TRMT61B: variants seen among roughly 807,000 people sequenced by gnomAD.
The protein encoded by TRMT61B is tRNA (adenine(58)-N(1))-methyltransferase, mitochondrial.
In TRMT61B, 56 loss-of-function variants were observed where a neutral mutation model predicts 52.0. The ratio of observed to expected loss-of-function variants is 1.08; its 90% CI spans 0.87 to 1.35. The LOEUF (loss-of-function observed/expected upper bound fraction) is 1.35. Among genes scored for constraint, TRMT61B ranks in the 40% most tolerant of loss-of-function variants. The pLI is 0.00. For missense variants in TRMT61B, 650 were observed against 577.9 expected (o/e 1.12, Z -1.28); for synonymous variants, 206 against 220.0 (o/e 0.94, Z 0.56).
chr2:28,861,718 G>T (rs1372683939), intron 2 of TRMT61B, among the ~76,000 whole-genome samples: 1 of 152,122 alleles, frequency 6.6e-6, no homozygotes, highest in African/African-American at 2.4e-5. Flanking sequence ...CTAGTCATAT[G>T]CTAATATAAA....
At position 28,870,281 on chromosome 2, in the gene TRMT61B, G is replaced by C; in HGVS notation, c.-4C>G. The C allele has an allele frequency of 6.5e-7, 1 of 1,544,680 alleles. No homozygotes were observed. Among genetic ancestry groups the C allele is most frequent in the Non-Finnish European group, 8.7e-7 (1 of 1,149,548 alleles). On this transcript the variant is annotated 5_prime_UTR_variant, in exon 1 of 7. Transcript: ENST00000306108. Reference sequence around the variant, plus strand: ...CGCGGCACCATGCCATTAGCATAGTGTTTCGCGAAGGCGCCGTCGCAGACG... The same window carrying C: ...CGCGGCACCATGCCATTAGCATAGTCTTTCGCGAAGGCGCCGTCGCAGACG...
At chr2:28,865,501 C>T (rs978693745) in intron 1 of TRMT61B, among the ~76,000 whole-genome samples, 11 of 152,158 alleles carry the variant, frequency 7.2e-5, no homozygotes, top group African/African-American at 2.6e-4. Flanking sequence ...CAGTATGAGG[C>T]ATTAGAACTC....
chr2:28,861,184 AT>A lies in TRMT61B; in HGVS notation c.926del (p.Asn309MetfsTer16). ...KLSHVEEWPD[N>X]VDFIHKDISG... The stretch of plus-strand genomic sequence containing the variant: ...AAATGTCCTTATGAATAAAATCCAC[AT>A]TGTCTGGCCACTCTTCTACATGACT... On this transcript the variant is annotated frameshift_variant, in exon 3 of 7. Transcript: ENST00000306108. LOFTEE classifies it high-confidence loss of function. 1 of 1,612,828 alleles carries A rather than the reference AT, an allele frequency of 6.2e-7. No individual in the cohort carries two copies. Among genetic ancestry groups the A allele is most frequent in the South Asian group, 1.1e-5 (1 of 90,632 alleles).
chr2:28,858,164 C>T (rs1244526799), intron 3 of TRMT61B, among the ~76,000 whole-genome samples: 1 of 151,848 alleles, frequency 6.6e-6, no homozygotes, highest in Non-Finnish European at 1.5e-5. Context: ...CCTCAGCCTC[C>T]CCAGTAGCTG....
At chr2:28,868,324 T>C (rs1057267611) in intron 1 of TRMT61B, among the ~76,000 whole-genome samples, 1 of 152,216 alleles carries the variant, frequency 6.6e-6, no homozygotes, top group African/African-American at 2.4e-5. Flanking sequence ...CTTCCTTATT[T>C]AGGTTTCCTA....
At position 28,852,485 on chromosome 2, in the gene TRMT61B, CA is replaced by C. The variant is rs1382748611; in HGVS notation, c.1007del (p.Met336SerfsTer2). On this transcript the variant is annotated frameshift_variant, in exon 4 of 7. Transcript: ENST00000306108. LOFTEE classifies it high-confidence loss of function. ...SLTFDAVALDMLNPHVTLPVF... is the reference protein window; with the variant it reads ...SLTFDAVALDXLNPHVTLPVF... Reference sequence around the variant, plus strand: ...CAGGCAAAGTAACATGAGGATTTAACATATCCAAAGCTACCTGTGTGGGGGA... The same window carrying C: ...CAGGCAAAGTAACATGAGGATTTAACTATCCAAAGCTACCTGTGTGGGGGA... The C allele has an allele frequency of 1.2e-6, 2 of 1,610,228 alleles. No homozygotes were observed. The highest frequency in any genetic ancestry group is 4.5e-5 in the East Asian group (2 of 44,850).
Position 28,849,996 on chromosome 2 carries a change from G to A in TRMT61B, c.*203C>T, listed in dbSNP as rs1669003237. 1.4e-6 allele frequency: 2 copies of A among 1,383,856 alleles called. No individual in the cohort carries two copies. The highest frequency in any genetic ancestry group is 2.0e-6 in the Non-Finnish European group (2 of 992,568). The allele number at this position is 1,383,856 out of a possible 1,614,324, so 85.7% of individuals were successfully genotyped here. ...TTAACTACAAAATGTCAAACTAACT[G>A]CAAGACAAGTGTCAAAATGGGATGT... On this transcript the variant is annotated 3_prime_UTR_variant, in exon 7 of 7. Transcript: ENST00000306108.
rs528399978 is a variant in TRMT61B, at chr2:28,850,463, C to A, written c.1313-58G>T. 1.6e-5 allele frequency: 19 copies of A among 1,179,502 alleles called. No individual in the cohort carries two copies. In the East Asian group the frequency reaches 4.3e-4, roughly 27 times the overall value. The allele number at this position is 1,179,502 out of a possible 1,614,324, so 73.1% of individuals were successfully genotyped here. ...CATAAAATATTTTCTATTTTTTTCA[C>A]AAAACTGTTAAAATATGAGTTACTC... On this transcript the variant is annotated intron_variant, in intron 5 of 6. Transcript: ENST00000306108.
At position 28,850,044 on chromosome 2, in the gene TRMT61B, A is replaced by G; in HGVS notation, c.*155T>C. ...TGTTTAAGCAGTTTTGCTATGTTAT[A>G]CATCTTTTAGTTGTTATTTTCAAAA... On this transcript the variant is annotated 3_prime_UTR_variant, in exon 7 of 7. Transcript: ENST00000306108. The G allele has an allele frequency of 1.7e-6, 2 of 1,179,334 alleles. No homozygotes were observed. The highest frequency in any genetic ancestry group is 2.5e-6 in the Non-Finnish European group (2 of 815,928). 73.1% of individuals were successfully genotyped at this position (1,179,334 alleles called of 1,614,324 possible).
chr2:28,863,722 G>A (rs550938299), intron 2 of TRMT61B, among the ~76,000 whole-genome samples: 1 of 152,166 alleles, frequency 6.6e-6, no homozygotes, highest in Non-Finnish European at 1.5e-5. Context: ...ATTGATTGAG[G>A]AGCCCAGAAT....
At chr2:28,853,180 C>CTT (rs772932797) in intron 3 of TRMT61B, among the ~76,000 whole-genome samples, 1 of 143,684 alleles carries the variant, frequency 7.0e-6, no homozygotes, top group African/African-American at 2.5e-5. Flanking sequence ...TGTGAATTTC[C>CTT]TTTTTTTTTT....
intron 2 of TRMT61B, among the ~76,000 whole-genome samples, chr2:28,863,637 C>T (rs937742256): frequency 1.3e-5 from 2 of 152,044 alleles, no homozygotes; most frequent in Non-Finnish European, 2.9e-5. Flanking sequence ...CAAATGAAAC[C>T]GTGCAGTTAG....
At chr2:28,855,252 C>T (rs1022828956) in intron 3 of TRMT61B, among the ~76,000 whole-genome samples, 1 of 152,084 alleles carries the variant, frequency 6.6e-6, no homozygotes, top group African/African-American at 2.4e-5. Flanking sequence ...AATTGAGAAG[C>T]CACTGAAGAA....
At position 28,853,932 on chromosome 2, in the gene TRMT61B, A is replaced by T. The variant is rs142471756; in HGVS notation, c.994-1433T>A. On this transcript the variant is annotated intron_variant, in intron 3 of 6. Coordinates refer to ENST00000306108, the MANE Select transcript of TRMT61B (RefSeq NM_017910.4). ...AGAAGATGCCAGTAAGTACAAAGAT[A>T]AGTGAAAATTTTTCAAATAAAAAAT... Among the ~76,000 whole-genome samples the T allele has an allele frequency of 1.1e-3, 161 of 152,362 alleles. 1 individual carries two copies. The highest frequency in any genetic ancestry group is 5.4e-3 in the South Asian group (26 of 4,826).
Position 28,852,614 on chromosome 2 carries a change from T to G in TRMT61B, c.994-115A>C, listed in dbSNP as rs151071198. ...GACAGCAATCAAAGTATTTCATTTT[T>G]TAGAAGGTAGTATTATTAACTATCA... On this transcript the variant is annotated intron_variant, in intron 3 of 6. Coordinates refer to ENST00000306108, the MANE Select transcript of TRMT61B (RefSeq NM_017910.4). 574 of 672,772 alleles carry G rather than the reference T, an allele frequency of 8.5e-4. 3 individuals carry two copies. In the African/African-American group the frequency reaches 9.1e-3, roughly 11 times the overall value. 41.7% of individuals were successfully genotyped at this position (672,772 alleles called of 1,614,324 possible).
rs766284300 is a variant in TRMT61B, at chr2:28,861,250, A to G, written c.861T>C (p.Ala287=). 63 of 1,613,190 alleles carry G rather than the reference A, an allele frequency of 3.9e-5. No homozygotes were observed. The highest frequency in any genetic ancestry group is 5.2e-5 in the Non-Finnish European group (61 of 1,179,758). Residue 287 remains alanine (A), a synonymous_variant, in exon 3 of 7, where the codon GCT becomes GCC. Coordinates refer to ENST00000306108, the MANE Select transcript of TRMT61B (RefSeq NM_017910.4). The part of the protein sequence containing the change: ...FEVRKDHHDL[A]KKNYKHWRDS... ...CACGCCAGTGTTTGTAATTCTTCTT[A>G]GCCAGATCATGGTGGTCTTTTCGTA...
Position 28,852,504 on chromosome 2 carries a change from G to A in TRMT61B, c.994-5C>T. On this transcript the variant is annotated splice_polypyrimidine_tract_variant and splice_region_variant and intron_variant, in intron 3 of 6. Coordinates refer to ENST00000306108, the MANE Select transcript of TRMT61B (RefSeq NM_017910.4). ...ATTTAACATATCCAAAGCTACCTGTGTGGGGGAAAAAGAGAACTGGATCAG... is the reference window on the plus strand; with the variant it reads ...ATTTAACATATCCAAAGCTACCTGTATGGGGGAAAAAGAGAACTGGATCAG... 2 of 1,588,544 alleles carry A rather than the reference G, an allele frequency of 1.3e-6. No homozygotes were observed. Among genetic ancestry groups the A allele is most frequent in the East Asian group, 4.5e-5 (2 of 44,746 alleles).
At chr2:28,856,978 G>C (rs1326633663) in intron 3 of TRMT61B, among the ~76,000 whole-genome samples, 2 of 151,776 alleles carry the variant, frequency 1.3e-5, no homozygotes, top group Non-Finnish European at 2.9e-5. Flanking sequence ...CTGTCACCTA[G>C]GCTAAAGTGC....
At chr2:28,867,955 G>A (rs1402368920) in intron 1 of TRMT61B, among the ~76,000 whole-genome samples, 1 of 152,046 alleles carries the variant, frequency 6.6e-6, no homozygotes, top group Non-Finnish European at 1.5e-5. Context: ...AGGAGGTTGA[G>A]GTGCGAGGAT....
Sources: gnomAD v4.1 joint callset for allele counts (sites outside exome capture counted in the v4.1 genomes callset) on GRCh38, gnomAD v4.1.1 for gene constraint, MANE v1.5 for transcripts, NCBI Gene and HGNC (gene_info 2026-07-23, HGNC 2026-07-21) for gene names.